PARD3: variants seen among roughly 807,000 people sequenced by gnomAD.
The protein encoded by PARD3 is par-3 family cell polarity regulator, also known as partitioning defective 3 homolog.
PARD3 carries 75 observed loss-of-function variants against 155.4 expected under a neutral mutation model. The observed-to-expected ratio is 0.48, with a 90% CI of 0.40 to 0.58. The LOEUF (loss-of-function observed/expected upper bound fraction) is 0.58, where lower values mean the gene tolerates loss of function less well. PARD3 is among the 20% of genes least tolerant of loss of function. The pLI is 0.00. For synonymous variants in PARD3, 576 were observed against 610.5 expected (o/e 0.94, Z 0.83); for missense variants, 1,642 against 1,721.7 (o/e 0.95, Z 0.82).
At chr10:34,135,084 A>T (rs1947820825) in intron 22 of PARD3, among the ~76,000 whole-genome samples, 2 of 152,320 alleles carry the variant, frequency 1.3e-5, no homozygotes, top group Middle Eastern at 6.8e-3. Context: ...TAAAAATACC[A>T]TCCAAGTTGA....
intron 22 of PARD3, among the ~76,000 whole-genome samples, chr10:34,171,700 G>A (rs1181970461): frequency 4.6e-5 from 7 of 151,936 alleles, no homozygotes; most frequent in Non-Finnish European, 7.4e-5. Context: ...TGTAATCCCA[G>A]CACTTTGGGA....
chr10:34,593,443 G>C (rs1195877228), intron 2 of PARD3, among the ~76,000 whole-genome samples: 1 of 152,128 alleles, frequency 6.6e-6, no homozygotes, highest in Non-Finnish European at 1.5e-5. Context: ...ACCAGTCACA[G>C]AGATAATACA....
intron 2 of PARD3, among the ~76,000 whole-genome samples, chr10:34,581,322 C>T (rs28570551): frequency 7.0e-6 from 1 of 143,232 alleles, no homozygotes; most frequent in Admixed American, 7.3e-5. Flanking sequence ...GCAACCTCCA[C>T]CCTCCAGGTT....
At chr10:34,433,447 C>T (rs773958) in intron 5 of PARD3, among the ~76,000 whole-genome samples, 2,385 of 152,252 alleles carry the variant, frequency 0.016, 61 homozygotes, top group African/African-American at 0.054. Context: ...ATATGTTTCT[C>T]TTTCTAAGAG....
At chr10:34,512,956 T>G (rs1168299250) in intron 3 of PARD3, among the ~76,000 whole-genome samples, 1 of 152,180 alleles carries the variant, frequency 6.6e-6, no homozygotes, top group African/African-American at 2.4e-5. Context: ...CAGTTCTTTT[T>G]TTCCTTAGGA....
chr10:34,219,085 G>A (rs1005544994), intron 22 of PARD3, among the ~76,000 whole-genome samples: 1 of 152,186 alleles, frequency 6.6e-6, no homozygotes, highest in African/African-American at 2.4e-5. Flanking sequence ...TAAAGGTATA[G>A]GAATTATTAG....
chr10:34,211,487 G>C (rs1258892200), intron 22 of PARD3, among the ~76,000 whole-genome samples: 2 of 152,148 alleles, frequency 1.3e-5, no homozygotes, highest in African/African-American at 4.8e-5. Context: ...CAAAGTTCTA[G>C]TTAGAAAATG....
intron 1 of PARD3, among the ~76,000 whole-genome samples, chr10:34,795,767 G>A (rs574396966): frequency 1.5e-4 from 23 of 152,160 alleles, no homozygotes; most frequent in African/African-American, 5.3e-4. Context: ...GGTGGTGCAT[G>A]CCTGTAATCC....
intron 22 of PARD3, among the ~76,000 whole-genome samples, chr10:34,198,018 C>T (rs960217405): frequency 2.9e-4 from 44 of 152,196 alleles, no homozygotes; most frequent in Admixed American, 9.2e-4. Flanking sequence ...TGAGCCACCG[C>T]GCCCGGCCGA....
At chr10:34,591,329 T>G (rs1328612209) in intron 2 of PARD3, among the ~76,000 whole-genome samples, 7 of 152,154 alleles carry the variant, frequency 4.6e-5, no homozygotes, top group Admixed American at 2.6e-4. Flanking sequence ...TCTTTCTGTT[T>G]TTCTATTACA....
At chr10:34,459,087 C>T (rs1307696150) in intron 4 of PARD3, among the ~76,000 whole-genome samples, 1 of 152,218 alleles carries the variant, frequency 6.6e-6, no homozygotes, top group East Asian at 1.9e-4. Flanking sequence ...CTCTGAAAAA[C>T]AAATTTATAC....
At chr10:34,178,684 T>C (rs190760590) in intron 22 of PARD3, among the ~76,000 whole-genome samples, 1 of 152,280 alleles carries the variant, frequency 6.6e-6, no homozygotes, top group East Asian at 1.9e-4. Context: ...GTTTGGGACC[T>C]ACAAAGGAGT....
intron 1 of PARD3, among the ~76,000 whole-genome samples, chr10:34,726,709 A>C (rs1275587989): frequency 6.6e-6 from 1 of 151,728 alleles, no homozygotes; most frequent in Non-Finnish European, 1.5e-5. Flanking sequence ...GCTACAGTGA[A>C]CTGAGAATGC....
chr10:34,435,789 G>A (rs780813031), intron 5 of PARD3, among the ~76,000 whole-genome samples: 3 of 152,072 alleles, frequency 2.0e-5, no homozygotes, highest in Non-Finnish European at 2.9e-5. Flanking sequence ...CCCCGCTTTG[G>A]GATATACTAA....
At chr10:34,139,823 T>C (rs999864970) in intron 22 of PARD3, among the ~76,000 whole-genome samples, 6 of 152,138 alleles carry the variant, frequency 3.9e-5, no homozygotes, top group South Asian at 2.1e-4. Context: ...GACTAAAGCA[T>C]TGGGGGGATA....
chr10:34,759,362 C>T (rs1466351025), intron 1 of PARD3, among the ~76,000 whole-genome samples: 1 of 152,166 alleles, frequency 6.6e-6, no homozygotes, highest in East Asian at 1.9e-4. Flanking sequence ...TAAGCACTTA[C>T]TAGATACACT....
At chr10:34,736,608 G>C (rs189305426) in intron 1 of PARD3, among the ~76,000 whole-genome samples, 3 of 151,990 alleles carry the variant, frequency 2.0e-5, no homozygotes, top group African/African-American at 4.8e-5. Context: ...ACTGAAGAAA[G>C]AGTTATTTCA....
At chr10:34,259,687 G>C (rs1277656416) in intron 22 of PARD3, among the ~76,000 whole-genome samples, 2 of 152,216 alleles carry the variant, frequency 1.3e-5, no homozygotes, top group African/African-American at 4.8e-5. Context: ...GAATGAACCA[G>C]AGATGTGGGA....
intron 5 of PARD3, among the ~76,000 whole-genome samples, chr10:34,419,237 G>T (rs1233931252): frequency 6.6e-6 from 1 of 152,252 alleles, no homozygotes; most frequent in African/African-American, 2.4e-5. Context: ...AAAGAAACAG[G>T]CCAGGTGCGG....
Sources: allele counts gnomAD v4.1 joint callset (sites outside exome capture counted in the v4.1 genomes callset), GRCh38; gene constraint gnomAD v4.1.1; transcripts MANE v1.5; gene names NCBI Gene and HGNC (gene_info 2026-07-23, HGNC 2026-07-21).